The following WDR70 variants were observed in gnomAD, a reference collection of about 807,000 sequenced individuals.
WDR70 encodes the protein WD repeat-containing protein 70.
In WDR70, 53 loss-of-function variants were observed where a neutral mutation model predicts 88.6. That is an observed-to-expected ratio of 0.60 (90% confidence interval 0.48 to 0.75). The LOEUF (loss-of-function observed/expected upper bound fraction) is 0.75. WDR70 is among the 30% of genes least tolerant of loss of function. The pLI, the probability that WDR70 is intolerant of heterozygous loss-of-function variation, is 0.00. For missense variants in WDR70, 610 were observed against 823.2 expected, an observed-to-expected ratio of 0.74 and a Z score of 3.17; for synonymous variants, 280 against 270.0, an observed-to-expected ratio of 1.04 and a Z score of -0.36.
chr5:37,702,022 G>T (rs1034428701), intron 12 of WDR70, among the ~76,000 whole-genome samples: 3 of 152,098 alleles, frequency 2.0e-5, no homozygotes, highest in African/African-American at 2.4e-5. Flanking sequence ...GGCAAAACTT[G>T]ACCTCTAAGT....
chr5:37,556,022 G>A (rs1312363188), intron 9 of WDR70, among the ~76,000 whole-genome samples: 1 of 151,920 alleles, frequency 6.6e-6, no homozygotes, highest in Non-Finnish European at 1.5e-5. Context: ...CCCAGCCAAT[G>A]TTCAGTTTTA....
intron 9 of WDR70, among the ~76,000 whole-genome samples, chr5:37,546,852 A>T: frequency 6.6e-6 from 1 of 151,916 alleles, no homozygotes; most frequent in East Asian, 1.9e-4. Context: ...TGGGAGGCAG[A>T]GTTGCAGTGA....
At chr5:37,585,059 C>T (rs1174603524) in intron 9 of WDR70, among the ~76,000 whole-genome samples, 2 of 149,646 alleles carry the variant, frequency 1.3e-5, no homozygotes, top group Non-Finnish European at 3.0e-5. Flanking sequence ...GGCACGATAT[C>T]GGCTCACTGC....
At chr5:37,741,830 T>C (rs548616205) in intron 17 of WDR70, among the ~76,000 whole-genome samples, 1 of 152,316 alleles carries the variant, frequency 6.6e-6, no homozygotes, top group East Asian at 1.9e-4. Flanking sequence ...TTGACTACTG[T>C]AGGTACCTCA....
chr5:37,638,475 G>A (rs185605893), intron 10 of WDR70, among the ~76,000 whole-genome samples: 12 of 152,316 alleles, frequency 7.9e-5, no homozygotes, highest in Admixed American at 4.6e-4. Flanking sequence ...ATGCATACAT[G>A]CACGCACATG....
intron 7 of WDR70, among the ~76,000 whole-genome samples, chr5:37,457,073 C>CT (rs1412848344): frequency 3.3e-5 from 5 of 151,596 alleles, no homozygotes; most frequent in East Asian, 1.9e-4. Flanking sequence ...AATGACCAGA[C>CT]TTTTTTTTCC....
intron 9 of WDR70, among the ~76,000 whole-genome samples, chr5:37,596,049 A>G (rs1249274443): frequency 1.3e-5 from 2 of 152,180 alleles, no homozygotes; most frequent in Admixed American, 1.3e-4. Context: ...TTACTTTTGC[A>G]AGCTTTCTTC....
At chr5:37,562,433 G>A (rs1433294515) in intron 9 of WDR70, among the ~76,000 whole-genome samples, 1 of 144,994 alleles carries the variant, frequency 6.9e-6, no homozygotes, top group African/African-American at 2.5e-5. Context: ...TAATGGCTTT[G>A]AGGCTTAATT....
intron 3 of WDR70, among the ~76,000 whole-genome samples, chr5:37,387,845 A>G (rs944005523): frequency 6.6e-6 from 1 of 152,054 alleles, no homozygotes; most frequent in Non-Finnish European, 1.5e-5. Flanking sequence ...TATGGGCATT[A>G]TTTATCTCAT....
chr5:37,448,833 T>C (rs1738576966), intron 7 of WDR70, among the ~76,000 whole-genome samples: 1 of 152,222 alleles, frequency 6.6e-6, no homozygotes, highest in Non-Finnish European at 1.5e-5. Context: ...TTTCATTGTT[T>C]TTCATGACCA....
intron 10 of WDR70, among the ~76,000 whole-genome samples, chr5:37,638,190 AAAAAGTTTAGATATTATTCCATT>A (rs1745021392): frequency 6.6e-6 from 1 of 152,210 alleles, no homozygotes; most frequent in South Asian, 2.1e-4. Flanking sequence ...ATCCCTATAC[AAAAAGTTTAGATATTATTCCATT>A]AAAATGAATT....
At chr5:37,430,830 G>A (rs1750279799) in intron 5 of WDR70, among the ~76,000 whole-genome samples, 1 of 151,836 alleles carries the variant, frequency 6.6e-6, no homozygotes, top group Admixed American at 6.6e-5. Flanking sequence ...CAACTGCTGG[G>A]ATTACAGATG....
chr5:37,381,760 G>GA (rs1748432086), intron 3 of WDR70, 75 bp downstream of exon 3: 7 of 1,491,522 alleles, frequency 4.7e-6, no homozygotes, highest in Admixed American at 3.5e-5. Context: ...TTAAAAAAGA[G>GA]AAAAGAATGT....
chr5:37,533,382 A>G (rs970568909), intron 9 of WDR70, among the ~76,000 whole-genome samples: 1 of 152,128 alleles, frequency 6.6e-6, no homozygotes, highest in Admixed American at 6.5e-5. Context: ...ACTTGAGGTC[A>G]GGAGTTCGAC....
chr5:37,385,767 A>G (rs1170211442), intron 3 of WDR70, among the ~76,000 whole-genome samples: 2 of 151,858 alleles, frequency 1.3e-5, no homozygotes, highest in African/African-American at 4.8e-5. Context: ...CAAGGGTTTC[A>G]GAAGCTCTGT....
chr5:37,380,295 G>T (rs1748385091), intron 2 of WDR70, among the ~76,000 whole-genome samples: 1 of 151,838 alleles, frequency 6.6e-6, no homozygotes. Flanking sequence ...ACACATATTG[G>T]CCTTGGGTTG....
intron 8 of WDR70, among the ~76,000 whole-genome samples, chr5:37,484,461 A>G (rs1250175106): frequency 2.0e-5 from 3 of 152,194 alleles, no homozygotes; most frequent in Non-Finnish European, 4.4e-5. Flanking sequence ...AGGCTGAGGC[A>G]GGAGAATCAG....
chr5:37,699,057 A>G (rs1262715441), intron 11 of WDR70, among the ~76,000 whole-genome samples: 1 of 152,066 alleles, frequency 6.6e-6, no homozygotes, highest in African/African-American at 2.4e-5. Flanking sequence ...CCCCTGGGAA[A>G]GTTTTCAAAT....
At chr5:37,621,016 C>T (rs1322698430) in intron 10 of WDR70, among the ~76,000 whole-genome samples, 2 of 151,710 alleles carry the variant, frequency 1.3e-5, no homozygotes, top group Non-Finnish European at 2.9e-5. Flanking sequence ...TGCCTAAGCC[C>T]TTGAAGACAT....
Sources: gnomAD v4.1 joint callset for allele counts (sites outside exome capture counted in the v4.1 genomes callset) on GRCh38, gnomAD v4.1.1 for gene constraint, MANE v1.5 for transcripts, NCBI Gene and HGNC (gene_info 2026-07-23, HGNC 2026-07-21) for gene names.